The following MAGI3 variants were observed in gnomAD, a reference collection of about 807,000 sequenced individuals.
The protein encoded by MAGI3 is membrane-associated guanylate kinase, WW and PDZ domain-containing protein 3.
Under a neutral mutation model 121.8 loss-of-function variants are expected in MAGI3, and 43 were observed. The observed-to-expected ratio is 0.35, with a 90% CI of 0.28 to 0.46. The LOEUF is 0.46. Ranked by LOEUF, MAGI3 falls within the 20% of genes least tolerant of loss-of-function variation. The pLI is 1.00. For synonymous variants in MAGI3, 553 were observed against 639.3 expected (o/e 0.86, Z 2.04); for missense variants, 1,547 against 1,797.3 (o/e 0.86, Z 2.52).
In MAGI3 at chr1:113,683,072, T is replaced by C. The variant is rs1308502711; in HGVS notation, c.3504T>C (p.Pro1168=). The stretch of plus-strand genomic sequence containing the variant: ...CAGAAGAATTAAAGGACATTGTGCC[T>C]GAAAAGAAAAGCACTTTAAATGAAA... ...EKAEELKDIV[P]EKKSTLNENQ... The change falls in exon 21 of 21, where the codon CCT becomes CCC. Residue 1168 remains proline, a synonymous_variant. Transcript: ENST00000307546. 8 of 1,612,838 alleles carry C rather than the reference T, an allele frequency of 5.0e-6. No homozygotes were observed. Among genetic ancestry groups the C allele is most frequent in the Non-Finnish European group, 6.8e-6 (8 of 1,179,680 alleles).
intron 1 of MAGI3, among the ~76,000 whole-genome samples, chr1:113,537,486 T>C (rs1475446362): frequency 6.6e-6 from 1 of 152,190 alleles, no homozygotes; most frequent in Non-Finnish European, 1.5e-5. Flanking sequence ...AGAAGAAAAA[T>C]GGCCAATGAG....
intron 12 of MAGI3, among the ~76,000 whole-genome samples, 197 bp downstream of exon 12, chr1:113,646,839 A>T (rs902153134): frequency 8.5e-5 from 13 of 152,190 alleles, no homozygotes; most frequent in Non-Finnish European, 4.4e-5. Flanking sequence ...TTTAAGTGCT[A>T]GTTATCTACC....
At chr1:113,496,393 T>C in intron 1 of MAGI3, among the ~76,000 whole-genome samples, 1 of 152,180 alleles carries the variant, frequency 6.6e-6, no homozygotes, top group South Asian at 2.1e-4. Flanking sequence ...GATAGATGGA[T>C]GGTTAAATGC....
At chr1:113,639,099 C>T (rs1042454004) in intron 9 of MAGI3, among the ~76,000 whole-genome samples, 13 of 152,122 alleles carry the variant, frequency 8.5e-5, no homozygotes, top group South Asian at 2.1e-4. Context: ...GCGCAGTATT[C>T]GGGTGGGAGT....
intron 9 of MAGI3, among the ~76,000 whole-genome samples, chr1:113,636,175 C>A (rs1210228609): frequency 1.3e-5 from 2 of 152,134 alleles, no homozygotes; most frequent in African/African-American, 4.8e-5. Context: ...TTTCAAAAAA[C>A]CAGCTCCTGG....
chr1:113,594,630 A>C (rs1648886576), intron 6 of MAGI3, 70 bp downstream of exon 6: 1 of 1,380,088 alleles, frequency 7.2e-7, no homozygotes, highest in Non-Finnish European at 1.0e-6. Flanking sequence ...TGCTCAGATA[A>C]TGGGTTTTTC....
At chr1:113,641,030 TG>T (rs1285348399) in intron 9 of MAGI3, among the ~76,000 whole-genome samples, 1 of 14,856 alleles carries the variant, frequency 6.7e-5, no homozygotes, top group African/African-American at 3.5e-4. Flanking sequence ...ATAATATATA[TG>T]ATATATATAA....
At chr1:113,413,965 A>G (rs185611468) in intron 1 of MAGI3, among the ~76,000 whole-genome samples, 2 of 152,226 alleles carry the variant, frequency 1.3e-5, no homozygotes, top group East Asian at 3.9e-4. Context: ...CTGGTTTTCA[A>G]AGGGATGCTT....
intron 1 of MAGI3, among the ~76,000 whole-genome samples, chr1:113,488,615 T>C (rs1448149476): frequency 6.6e-6 from 1 of 152,208 alleles, no homozygotes; most frequent in Admixed American, 6.5e-5. Flanking sequence ...CATGGCAACT[T>C]ACTCAGCTGG....
At chr1:113,456,557 A>G (rs1240011912) in intron 1 of MAGI3, among the ~76,000 whole-genome samples, 1 of 152,234 alleles carries the variant, frequency 6.6e-6, no homozygotes, top group African/African-American at 2.4e-5. Context: ...CAGATTCAGC[A>G]GGATATTAAA....
At chr1:113,640,990 T>G (rs1652434835) in intron 9 of MAGI3, among the ~76,000 whole-genome samples, 1 of 96,732 alleles carries the variant, frequency 1.0e-5, no homozygotes. Flanking sequence ...ATATATACAC[T>G]ATATATGATA....
chr1:113,450,408 G>A, intron 1 of MAGI3: 2 of 1,118,906 alleles, frequency 1.8e-6, no homozygotes, highest in Middle Eastern at 2.0e-4. Flanking sequence ...TGGATTTGGA[G>A]GTGATGGTGG....
At chr1:113,518,501 G>A (rs370543578) in intron 1 of MAGI3, among the ~76,000 whole-genome samples, 1 of 151,970 alleles carries the variant, frequency 6.6e-6, no homozygotes, top group Non-Finnish European at 1.5e-5. Flanking sequence ...TACAATAAAA[G>A]CATAATTTTA....
At chr1:113,513,943 C>T (rs1214745757) in intron 1 of MAGI3, among the ~76,000 whole-genome samples, 5 of 150,038 alleles carry the variant, frequency 3.3e-5, no homozygotes, top group South Asian at 4.2e-4. Flanking sequence ...AAAAAAACAA[C>T]CCCATCAAAA....
intron 1 of MAGI3, chr1:113,450,582 A>G (rs1415607960): frequency 1.9e-6 from 2 of 1,072,026 alleles, no homozygotes; most frequent in Non-Finnish European, 2.9e-6. Flanking sequence ...GGTGGGAACT[A>G]TAATGATTTT....
At chr1:113,674,426 A>G (rs1294679226) in intron 19 of MAGI3, among the ~76,000 whole-genome samples, 1 of 151,308 alleles carries the variant, frequency 6.6e-6, no homozygotes, top group Non-Finnish European at 1.5e-5. Context: ...GCTGTCTTCA[A>G]TTTAAAAAAA....
chr1:113,670,644 G>A (rs1376718256), intron 16 of MAGI3, among the ~76,000 whole-genome samples: 1 of 152,184 alleles, frequency 6.6e-6, no homozygotes, highest in Non-Finnish European at 1.5e-5. Flanking sequence ...TGATGATGAT[G>A]ATGATGATGA....
At chr1:113,677,496 T>A (rs771239802) in intron 19 of MAGI3, among the ~76,000 whole-genome samples, 21 of 152,340 alleles carry the variant, frequency 1.4e-4, no homozygotes, top group Admixed American at 5.2e-4. Context: ...CTTTCCGCTA[T>A]GTCAGGTCTT....
chr1:113,542,732 A>G (rs1180623013), intron 1 of MAGI3, among the ~76,000 whole-genome samples: 4 of 152,216 alleles, frequency 2.6e-5, no homozygotes, highest in African/African-American at 9.7e-5. Flanking sequence ...AAAAGGGACC[A>G]TGTCTCTTAC....
Sources: gnomAD v4.1 joint callset for allele counts (sites outside exome capture counted in the v4.1 genomes callset) on GRCh38, gnomAD v4.1.1 for gene constraint, MANE v1.5 for transcripts, NCBI Gene and HGNC (gene_info 2026-07-23, HGNC 2026-07-21) for gene names.